The following AKAP13 variants were observed in gnomAD, a reference collection of about 807,000 sequenced individuals.
AKAP13 encodes the protein A-kinase anchoring protein 13, also known as A-kinase anchor protein 13.
AKAP13 carries 80 observed loss-of-function variants against 264.5 expected under a neutral mutation model. The ratio of observed to expected loss-of-function variants is 0.30; its 90% CI spans 0.25 to 0.36. AKAP13 has a LOEUF of 0.36. Ranked by LOEUF, AKAP13 falls within the 10% of genes least tolerant of loss-of-function variation. The probability of loss-of-function intolerance (pLI) is 1.00; values close to 1 mark genes in which losing one functional copy is unlikely to be tolerated. For missense variants in AKAP13, 3,712 were observed against 3,435.2 expected, an observed-to-expected ratio of 1.08 and a Z score of -2.01; for synonymous variants, 1,380 against 1,250.2, an observed-to-expected ratio of 1.10 and a Z score of -2.19.
At chr15:85,693,123 A>C in intron 16 of AKAP13, 154 bp from the exon 17 acceptor site, 1 of 1,327,188 alleles carries the variant, frequency 7.5e-7, no homozygotes, top group Non-Finnish European at 9.7e-7. Context: ...TAATTTAAAA[A>C]AACAAAACAA....
At chr15:85,605,408 G>C (rs2080278890) in intron 8 of AKAP13, among the ~76,000 whole-genome samples, 1 of 152,096 alleles carries the variant, frequency 6.6e-6, no homozygotes, top group African/African-American at 2.4e-5. Flanking sequence ...CACTTATAAG[G>C]GGGAGCTGAA....
chr15:85,575,283 G>C lies in AKAP13; in HGVS notation c.815G>C (p.Cys272Ser). The change falls in exon 6 of 37, where the codon TGC (cysteine) becomes TCC (serine). Residue 272 changes from cysteine to serine, a missense_variant. By Grantham distance (112) the Cys-to-Ser change is moderately radical. Around this residue, in one of 3 missense-constraint regions of AKAP13, gnomAD observed 2,759 missense variants for 2,411.7 expected, o/e 1.14. Coordinates refer to ENST00000394518, the MANE Select transcript of AKAP13 (RefSeq NM_007200.5). ...GAACACCCATTTCCTGGAGACGGTT[G>C]CACTGGACCAATTTTTAAACTTATG... ...HHEHPFPGDG[C>S]TGPIFKLMNI... is the part of the protein sequence containing the mutation. 1 of 1,614,154 alleles carries C rather than the reference G, an allele frequency of 6.2e-7. No individual in the cohort carries two copies. Among genetic ancestry groups the C allele is most frequent in the Non-Finnish European group, 8.5e-7 (1 of 1,180,032 alleles).
At chr15:85,562,770 A>T (rs1403362275) in intron 5 of AKAP13, among the ~76,000 whole-genome samples, 1 of 129,102 alleles carries the variant, frequency 7.7e-6, no homozygotes, top group Non-Finnish European at 1.6e-5. Flanking sequence ...ACCTCGGCTC[A>T]CTCCAACCTC....
chr15:85,647,006 G>T (rs980265950), intron 10 of AKAP13, among the ~76,000 whole-genome samples: 1 of 152,192 alleles, frequency 6.6e-6, no homozygotes, highest in Admixed American at 6.5e-5. Flanking sequence ...CTACCAACAC[G>T]GTTCCTTCTA....
intron 5 of AKAP13, among the ~76,000 whole-genome samples, chr15:85,549,964 T>A (rs1341853745): frequency 6.6e-6 from 1 of 152,194 alleles, no homozygotes; most frequent in African/African-American, 2.4e-5. Flanking sequence ...TCACCCAGGC[T>A]GGAGTGCAGT....
intron 1 of AKAP13, among the ~76,000 whole-genome samples, chr15:85,480,438 A>G (rs1268993117): frequency 6.6e-6 from 1 of 152,206 alleles, no homozygotes; most frequent in Non-Finnish European, 1.5e-5. Flanking sequence ...GTAACCCCAC[A>G]GTATAGGAAG....
chr15:85,465,102 G>A (rs1346526608), intron 1 of AKAP13, among the ~76,000 whole-genome samples: 12 of 134,926 alleles, frequency 8.9e-5, no homozygotes, highest in African/African-American at 3.3e-4. Context: ...CACCACGCCT[G>A]GCTAATTTTT....
At chr15:85,390,736 C>T (rs890325459) in intron 1 of AKAP13, among the ~76,000 whole-genome samples, 8 of 152,084 alleles carry the variant, frequency 5.3e-5, no homozygotes, top group African/African-American at 7.2e-5. Context: ...AATCCATATA[C>T]GCTGAAAATA....
At chr15:85,740,387 C>A (rs2088863956) in intron 34 of AKAP13, 115 bp downstream of exon 34, 1 of 1,228,086 alleles carries the variant, frequency 8.1e-7, no homozygotes, top group African/African-American at 1.5e-5. Context: ...AAATGGGGCC[C>A]TCAGTCTAGG....
chr15:85,741,697 T>TAAAAA (rs56782497), intron 35 of AKAP13, among the ~76,000 whole-genome samples: 5 of 106,336 alleles, frequency 4.7e-5, no homozygotes, highest in African/African-American at 1.1e-4. Flanking sequence ...CTGTCTCTCC[T>TAAAAA]AAAAAAAAAA....
At chr15:85,719,019 G>A in intron 22 of AKAP13, 57 bp from the exon 23 acceptor site, 1 of 1,592,950 alleles carries the variant, frequency 6.3e-7, no homozygotes, top group Non-Finnish European at 8.6e-7. Context: ...GATGATCTTT[G>A]AGGGCGAATG....
intron 8 of AKAP13, among the ~76,000 whole-genome samples, chr15:85,630,490 A>G (rs932270401): frequency 1.3e-5 from 2 of 152,204 alleles, no homozygotes; most frequent in African/African-American, 4.8e-5. Context: ...TTATTGACCG[A>G]CCTAACATTT....
intron 1 of AKAP13, among the ~76,000 whole-genome samples, chr15:85,391,046 G>A (rs143706642): frequency 8.5e-5 from 13 of 152,234 alleles, no homozygotes; most frequent in Non-Finnish European, 1.9e-4. Context: ...GTTTTAGTGG[G>A]AATTAGGGAT....
Position 85,575,156 on chromosome 15 carries a change from T to C in AKAP13, c.688T>C (p.Trp230Arg). Residue 230 changes from tryptophan (W) to arginine (R), a missense_variant, in exon 6 of 37, where the codon TGG (tryptophan) becomes CGG (arginine). Around this residue, in one of 3 missense-constraint regions of AKAP13, gnomAD observed 2,759 missense variants for 2,411.7 expected, o/e 1.14. Coordinates refer to ENST00000394518, the MANE Select transcript of AKAP13 (RefSeq NM_007200.5). ...GGAGAATGCTGGAGAACCAGACTCC[T>C]GGAGCAGTTTATCCTATGAAATACC... ...TEENAGEPDSWSSLSYEIPYG... is the reference protein window; with the variant it reads ...TEENAGEPDSRSSLSYEIPYG... 6.2e-7 allele frequency: 1 copy of C among 1,614,156 alleles called. No homozygotes were observed. The highest frequency in any genetic ancestry group is 8.5e-7 in the Non-Finnish European group (1 of 1,180,024).
rs963582759 is a variant in AKAP13 at position 85,532,472 on chromosome 15, C to T, written c.182-1112C>T. On this transcript the variant is annotated intron_variant, in intron 3 of 36. Transcript: ENST00000394518. The stretch of plus-strand genomic sequence containing the variant: ...GTGTTAGAGATTCAGGGAAGTGGCA[C>T]GTGCATGGGTGCCCATGATTAATCA... Among the ~76,000 whole-genome samples, 3 of 152,136 alleles carry T rather than the reference C, an allele frequency of 2.0e-5. No individual in the cohort carries two copies. The East Asian group carries it at 5.8e-4, about 29-fold the overall frequency.
intron 8 of AKAP13, among the ~76,000 whole-genome samples, chr15:85,603,853 A>C (rs2080199325): frequency 6.6e-6 from 1 of 151,734 alleles, no homozygotes. Context: ...CTCCTTCCCC[A>C]CACTGGAACA....
chr15:85,506,279 A>G (rs557370454), intron 2 of AKAP13, among the ~76,000 whole-genome samples: 12 of 152,326 alleles, frequency 7.9e-5, no homozygotes, highest in African/African-American at 2.9e-4. Flanking sequence ...GCGGGACTCC[A>G]TCTCAAAAAC....
rs562767898 is a variant in AKAP13 at position 85,486,739 on chromosome 15, C to CTTTTT, written c.33+1000_33+1004dup. On this transcript the variant is annotated intron_variant, in intron 2 of 36. Coordinates refer to ENST00000394518, the MANE Select transcript of AKAP13 (RefSeq NM_007200.5). ...ATTTTGTTATCTTAATTGTTCAGTTCTTTTTTTTTTTTTTTTTTGGATGGA... is the reference window on the plus strand; with the variant it reads ...ATTTTGTTATCTTAATTGTTCAGTTCTTTTTTTTTTTTTTTTTTTTTTTGGATGGA... Among the ~76,000 whole-genome samples the CTTTTT allele has an allele frequency of 9.9e-4, 115 of 115,648 alleles. 4 individuals carry two copies. The highest frequency in any genetic ancestry group is 3.4e-3 in the African/African-American group (100 of 29,746). 75.9% of individuals were successfully genotyped at this position (115,648 alleles called of 152,430 possible).
At chr15:85,685,485 TG>T (rs2084855338) in intron 16 of AKAP13, 1 of 145,322 alleles carries the variant, frequency 6.9e-6, no homozygotes, top group Non-Finnish European at 1.5e-5. Context: ...TGTGTGTGTG[TG>T]TGTCTGTGTG....
Sources: allele counts gnomAD v4.1 joint callset (sites outside exome capture counted in the v4.1 genomes callset), GRCh38; gene constraint gnomAD v4.1.1; regional missense constraint gnomAD v4.1.1; transcripts MANE v1.5; gene names NCBI Gene and HGNC (gene_info 2026-07-23, HGNC 2026-07-21).